Variants in JAZF1 observed in about 807,000 individuals in gnomAD.
JAZF1 encodes juxtaposed with another zinc finger protein 1.
In JAZF1, 8 loss-of-function variants were observed where a neutral mutation model predicts 26.4. That is an observed-to-expected ratio of 0.30 (90% CI 0.18 to 0.55). JAZF1 has a LOEUF of 0.55. Among genes scored for constraint, JAZF1 ranks in the 20% least tolerant of loss-of-function variants. JAZF1 has a pLI of 0.94. For missense variants in JAZF1, 199 were observed against 322.0 expected (o/e 0.62, Z 2.92); for synonymous variants, 126 against 122.3 (o/e 1.03, Z -0.20).
chr7:28,017,498 G>A (rs765369280), intron 1 of JAZF1, among the ~76,000 whole-genome samples: 6 of 152,038 alleles, frequency 3.9e-5, no homozygotes, highest in Admixed American at 1.3e-4. Context: ...AACCAATTCT[G>A]TTGAACAAAA....
chr7:27,940,858 C>T, intron 2 of JAZF1, among the ~76,000 whole-genome samples: 1 of 152,204 alleles, frequency 6.6e-6, no homozygotes, highest in Admixed American at 6.5e-5. Flanking sequence ...CTAATGTTCT[C>T]ACTTGGTTCC....
chr7:28,179,861 G>A (rs1783609954), intron 1 of JAZF1, among the ~76,000 whole-genome samples: 1 of 146,210 alleles, frequency 6.8e-6, no homozygotes, highest in African/African-American at 2.5e-5. Flanking sequence ...ACGCAGTGGC[G>A]GCGGCGGCGG....
intron 2 of JAZF1, among the ~76,000 whole-genome samples, chr7:27,968,224 C>T (rs1013123067): frequency 1.3e-5 from 2 of 152,116 alleles, no homozygotes; most frequent in African/African-American, 4.8e-5. Flanking sequence ...ACCTGAAATT[C>T]CAGATTAATT....
intron 3 of JAZF1, among the ~76,000 whole-genome samples, chr7:27,852,678 G>A (rs1337234844): frequency 1.3e-5 from 2 of 152,122 alleles, no homozygotes; most frequent in Non-Finnish European, 2.9e-5. Flanking sequence ...TCTGCTAAAC[G>A]AGATGGAGAA....
At chr7:28,129,628 T>G (rs1782756379) in intron 1 of JAZF1, among the ~76,000 whole-genome samples, 1 of 152,214 alleles carries the variant, frequency 6.6e-6, no homozygotes, top group African/African-American at 2.4e-5. Flanking sequence ...CCTTGGGTGT[T>G]TACTAAAGCA....
chr7:27,852,392 C>T (rs373711915), intron 3 of JAZF1, among the ~76,000 whole-genome samples: 32 of 152,238 alleles, frequency 2.1e-4, no homozygotes, highest in South Asian at 1.7e-3. Flanking sequence ...CCTCAGCCTC[C>T]GAAAGTGCTG....
intron 1 of JAZF1, among the ~76,000 whole-genome samples, chr7:28,087,732 A>G (rs914160649): frequency 2.0e-5 from 3 of 152,226 alleles, no homozygotes; most frequent in Non-Finnish European, 4.4e-5. Context: ...AAGGTTTTTC[A>G]AAATTCCTAA....
At chr7:27,954,693 C>G (rs145642883) in intron 2 of JAZF1, among the ~76,000 whole-genome samples, 7 of 152,290 alleles carry the variant, frequency 4.6e-5, no homozygotes, top group African/African-American at 1.7e-4. Context: ...GGCAGCATGT[C>G]ACTCCAATCT....
intron 2 of JAZF1, among the ~76,000 whole-genome samples, chr7:27,987,493 C>T (rs1301633904): frequency 6.6e-6 from 1 of 152,208 alleles, no homozygotes; most frequent in East Asian, 1.9e-4. Context: ...GGGCAGCCCC[C>T]ACCCGGCCAG....
intron 2 of JAZF1, among the ~76,000 whole-genome samples, chr7:27,991,427 C>G (rs1785901212): frequency 6.6e-6 from 1 of 152,154 alleles, no homozygotes; most frequent in Non-Finnish European, 1.5e-5. Context: ...TAAGTAAAAA[C>G]TCAAGTTACT....
At chr7:28,044,544 A>G (rs143512929) in intron 1 of JAZF1, among the ~76,000 whole-genome samples, 2 of 152,176 alleles carry the variant, frequency 1.3e-5, no homozygotes, top group East Asian at 1.9e-4. Context: ...AAATTTTAAG[A>G]GTCTGCCCAC....
chr7:28,157,839 A>AGG (rs1783211867), intron 1 of JAZF1, among the ~76,000 whole-genome samples: 1 of 152,166 alleles, frequency 6.6e-6, no homozygotes, highest in Non-Finnish European at 1.5e-5. Context: ...TGAGTTTAGT[A>AGG]CTGTTCAAAA....
intron 1 of JAZF1, among the ~76,000 whole-genome samples, chr7:28,087,989 T>A (rs1784235740): frequency 6.6e-6 from 1 of 152,190 alleles, no homozygotes; most frequent in East Asian, 1.9e-4. Flanking sequence ...TTTTAAGCAA[T>A]TACCAAGACA....
chr7:28,166,587 A>G (rs903322854), intron 1 of JAZF1, among the ~76,000 whole-genome samples: 3 of 152,238 alleles, frequency 2.0e-5, no homozygotes, highest in Admixed American at 2.0e-4. Context: ...AACATGTAAT[A>G]ATTATGTTTT....
At chr7:28,111,062 T>C (rs1030602310) in intron 1 of JAZF1, among the ~76,000 whole-genome samples, 5 of 152,176 alleles carry the variant, frequency 3.3e-5, no homozygotes, top group Non-Finnish European at 7.3e-5. Context: ...TCTGCTACAG[T>C]AGACAACTAG....
At chr7:28,105,767 GA>G (rs1289717737) in intron 1 of JAZF1, among the ~76,000 whole-genome samples, 1 of 152,190 alleles carries the variant, frequency 6.6e-6, no homozygotes, top group East Asian at 1.9e-4. Context: ...GACGCAAGAG[GA>G]AGAGTCTATC....
chr7:28,001,396 A>G (rs902155861), intron 1 of JAZF1, among the ~76,000 whole-genome samples: 2 of 152,120 alleles, frequency 1.3e-5, no homozygotes, highest in African/African-American at 4.8e-5. Context: ...ACCTAAACAA[A>G]AAAAACCAAT....
At chr7:27,874,796 G>A (rs562557152) in intron 3 of JAZF1, among the ~76,000 whole-genome samples, 23 of 152,288 alleles carry the variant, frequency 1.5e-4, no homozygotes, top group Admixed American at 8.5e-4. Context: ...ACTGCCTTGG[G>A]CCCTGGGTGG....
At chr7:28,001,627 G>C (rs1220494424) in intron 1 of JAZF1, among the ~76,000 whole-genome samples, 1 of 152,202 alleles carries the variant, frequency 6.6e-6, no homozygotes, top group Non-Finnish European at 1.5e-5. Flanking sequence ...GGAGCAGGGG[G>C]TGGCAAGAAG....
Sources: gnomAD v4.1 joint callset for allele counts (sites outside exome capture counted in the v4.1 genomes callset) on GRCh38, gnomAD v4.1.1 for gene constraint, MANE v1.5 for transcripts, NCBI Gene and HGNC (gene_info 2026-07-23, HGNC 2026-07-21) for gene names.